KDM4C: variants seen among roughly 807,000 people sequenced by gnomAD.
The protein encoded by KDM4C is lysine demethylase 4C.
In KDM4C, 81 loss-of-function variants were observed where a neutral mutation model predicts 129.3. The observed-to-expected ratio is 0.63, with a 90% CI of 0.52 to 0.75. The LOEUF is 0.75. Ranked by LOEUF, KDM4C falls within the 30% of genes least tolerant of loss-of-function variation. The pLI is 0.00. For synonymous variants in KDM4C, 573 were observed against 456.1 expected, an observed-to-expected ratio of 1.26 and a Z score of -3.26; for missense variants, 1,457 against 1,304.0, an observed-to-expected ratio of 1.12 and a Z score of -1.81.
At chr9:6,986,908 T>G (rs1357218720) in intron 11 of KDM4C, 2 of 424,492 alleles carry the variant, frequency 4.7e-6, no homozygotes, top group African/African-American at 2.0e-5. Flanking sequence ...TTCTTTTTTT[T>G]GTTAAAAAAT....
At chr9:6,764,652 C>T (rs959566918) in intron 1 of KDM4C, among the ~76,000 whole-genome samples, 2 of 152,192 alleles carry the variant, frequency 1.3e-5, no homozygotes, top group Non-Finnish European at 2.9e-5. Context: ...ATTTCAGCTA[C>T]TATGGTATTT....
At chr9:6,830,524 A>G (rs1269843842) in intron 4 of KDM4C, among the ~76,000 whole-genome samples, 25 of 152,246 alleles carry the variant, frequency 1.6e-4, no homozygotes, top group Non-Finnish European at 1.5e-5. Flanking sequence ...TTTTTAAGAG[A>G]AAGATGTCAC....
intron 8 of KDM4C, among the ~76,000 whole-genome samples, chr9:6,910,620 C>T (rs1392664955): frequency 6.6e-6 from 1 of 152,192 alleles, no homozygotes; most frequent in Non-Finnish European, 1.5e-5. Flanking sequence ...ATACTCAGTG[C>T]AGTTTTAAAC....
At chr9:7,134,823 A>T (rs1841019051) in intron 19 of KDM4C, among the ~76,000 whole-genome samples, 1 of 152,146 alleles carries the variant, frequency 6.6e-6, no homozygotes, top group South Asian at 2.1e-4. Flanking sequence ...TGAAGAATAA[A>T]CCTGCAGTTA....
chr9:6,985,553 A>G (rs1442918670), intron 10 of KDM4C, among the ~76,000 whole-genome samples: 1 of 152,252 alleles, frequency 6.6e-6, no homozygotes, highest in Non-Finnish European at 1.5e-5. Flanking sequence ...TTTCTTGGCA[A>G]AGGTGATATC....
At chr9:7,014,952 A>C (rs959034428) in intron 14 of KDM4C, among the ~76,000 whole-genome samples, 2 of 145,724 alleles carry the variant, frequency 1.4e-5, no homozygotes, top group Non-Finnish European at 3.0e-5. Context: ...ACACACACAC[A>C]CCTTACATTA....
chr9:6,766,411 G>A (rs978681958), intron 1 of KDM4C, among the ~76,000 whole-genome samples: 1 of 151,800 alleles, frequency 6.6e-6, no homozygotes, highest in Non-Finnish European at 1.5e-5. Context: ...GGGAAGGAAT[G>A]GGAAAATTTT....
chr9:7,022,144 T>C (rs1824980234), intron 15 of KDM4C, among the ~76,000 whole-genome samples: 1 of 152,182 alleles, frequency 6.6e-6, no homozygotes, highest in Non-Finnish European at 1.5e-5. Flanking sequence ...CTGGGTCTTT[T>C]GTGATTCCAT....
At chr9:7,062,999 CTTAAT>C (rs924866509) in intron 17 of KDM4C, among the ~76,000 whole-genome samples, 3 of 152,198 alleles carry the variant, frequency 2.0e-5, no homozygotes, top group African/African-American at 7.2e-5. Flanking sequence ...TTATGAAACT[CTTAAT>C]TAAATTTTTG....
chr9:6,994,723 A>G (rs1393236269), intron 12 of KDM4C, among the ~76,000 whole-genome samples: 1 of 152,234 alleles, frequency 6.6e-6, no homozygotes, highest in African/African-American at 2.4e-5. Context: ...AGAAAAATGT[A>G]AATCCTTGTC....
intron 4 of KDM4C, among the ~76,000 whole-genome samples, chr9:6,846,833 A>C (rs969264471): frequency 1.3e-5 from 2 of 152,088 alleles, no homozygotes; most frequent in African/African-American, 2.4e-5. Flanking sequence ...CTAATAATTA[A>C]ATTTTATTTT....
intron 20 of KDM4C, among the ~76,000 whole-genome samples, chr9:7,169,455 C>A (rs1348771569): frequency 6.6e-6 from 1 of 152,170 alleles, no homozygotes; most frequent in Non-Finnish European, 1.5e-5. Context: ...CCTGCCTCAG[C>A]CTCCTGAGTA....
chr9:6,852,671 C>T (rs1839073585), intron 5 of KDM4C, among the ~76,000 whole-genome samples: 2 of 152,156 alleles, frequency 1.3e-5, no homozygotes, highest in South Asian at 2.1e-4. Context: ...ACATATCTGT[C>T]ACTATATTGT....
intron 19 of KDM4C, among the ~76,000 whole-genome samples, chr9:7,147,112 GATTAATGAGAAAACCAGGACATAAGGTTT>G (rs1417012889): frequency 1.3e-5 from 2 of 152,158 alleles, no homozygotes; most frequent in Non-Finnish European, 2.9e-5. Context: ...ATCGCCATTT[GATTAATGAGAAAACCAGGACATAAGGTTT>G]ATTAATGAGA....
intron 14 of KDM4C, among the ~76,000 whole-genome samples, chr9:7,014,915 A>AACACACACAC (rs55864882): frequency 0.012 from 1,702 of 146,252 alleles, 34 homozygotes; most frequent in African/African-American, 0.039. Context: ...GGCAATTTGT[A>AACACACACAC]ACACACACAC....
At chr9:6,895,055 G>A (rs919048625) in intron 8 of KDM4C, among the ~76,000 whole-genome samples, 1 of 152,142 alleles carries the variant, frequency 6.6e-6, no homozygotes, top group Non-Finnish European at 1.5e-5. Flanking sequence ...ATTAAAAATT[G>A]CTCTAACTGA....
At chr9:7,067,750 A>G (rs1832631321) in intron 17 of KDM4C, among the ~76,000 whole-genome samples, 2 of 152,106 alleles carry the variant, frequency 1.3e-5, no homozygotes, top group Non-Finnish European at 2.9e-5. Flanking sequence ...CTTTAGCTCC[A>G]TGCCACTTCA....
At chr9:7,027,867 C>G (rs548180078) in intron 15 of KDM4C, among the ~76,000 whole-genome samples, 1 of 152,206 alleles carries the variant, frequency 6.6e-6, no homozygotes, top group East Asian at 1.9e-4. Flanking sequence ...AGCCCATGAC[C>G]GCCACTACTA....
At chr9:6,957,603 G>T (rs912267992) in intron 8 of KDM4C, among the ~76,000 whole-genome samples, 1 of 152,120 alleles carries the variant, frequency 6.6e-6, no homozygotes, top group African/African-American at 2.4e-5. Context: ...GAGATCAAAC[G>T]TGGAGGCTGC....
Sources: allele counts gnomAD v4.1 joint callset (sites outside exome capture counted in the v4.1 genomes callset), GRCh38; gene constraint gnomAD v4.1.1; transcripts MANE v1.5; gene names NCBI Gene and HGNC (gene_info 2026-07-23, HGNC 2026-07-21).